KCNQ3: variants seen among roughly 807,000 people sequenced by gnomAD.
KCNQ3 encodes potassium voltage-gated channel subfamily Q member 3.
In KCNQ3, 30 loss-of-function variants were observed where a neutral mutation model predicts 92.5. The observed-to-expected ratio is 0.32, with a 90% CI of 0.24 to 0.44. KCNQ3 has a LOEUF of 0.44. KCNQ3 is among the 20% of genes least tolerant of loss of function. KCNQ3 has a pLI of 1.00. For missense variants in KCNQ3, 913 were observed against 1,140.3 expected (o/e 0.80, Z 2.87); for synonymous variants, 450 against 468.8 (o/e 0.96, Z 0.52).
intron 1 of KCNQ3, among the ~76,000 whole-genome samples, chr8:132,465,313 A>G (rs930865164): frequency 5.9e-5 from 9 of 152,254 alleles, no homozygotes; most frequent in African/African-American, 2.2e-4. Flanking sequence ...AAAGCCACTC[A>G]GAATTATGTC....
chr8:132,271,584 T>A (rs1156325412), intron 1 of KCNQ3, among the ~76,000 whole-genome samples: 1 of 152,116 alleles, frequency 6.6e-6, no homozygotes, highest in Non-Finnish European at 1.5e-5. Context: ...ATTGTACTAA[T>A]TAATGTTGTT....
intron 1 of KCNQ3, chr8:132,278,354 A>C: frequency 1.6e-5 from 5 of 309,642 alleles, no homozygotes; most frequent in Non-Finnish European, 2.4e-5. Context: ...TAATCCCACA[A>C]TCAGCATTGT....
At chr8:132,362,451 C>T (rs1819198691) in intron 1 of KCNQ3, among the ~76,000 whole-genome samples, 1 of 152,150 alleles carries the variant, frequency 6.6e-6, no homozygotes, top group Non-Finnish European at 1.5e-5. Flanking sequence ...CTTCCAGTTC[C>T]AGCAGAAACT....
chr8:132,168,964 C>A (rs1300656163), intron 8 of KCNQ3, among the ~76,000 whole-genome samples: 1 of 152,032 alleles, frequency 6.6e-6, no homozygotes, highest in Non-Finnish European at 1.5e-5. Context: ...AGGAGTCCAG[C>A]ACACTACCCA....
chr8:132,439,579 A>G (rs1407469011), intron 1 of KCNQ3, among the ~76,000 whole-genome samples: 1 of 152,142 alleles, frequency 6.6e-6, no homozygotes, highest in African/African-American at 2.4e-5. Flanking sequence ...ATGATTCCAG[A>G]TTACCTAGGT....
At chr8:132,458,508 G>A (rs1214741264) in intron 1 of KCNQ3, among the ~76,000 whole-genome samples, 1 of 152,214 alleles carries the variant, frequency 6.6e-6, no homozygotes, top group Non-Finnish European at 1.5e-5. Context: ...AGGCGAGAGT[G>A]CAGTGGCACA....
At chr8:132,440,459 T>G (rs1282090186) in intron 1 of KCNQ3, among the ~76,000 whole-genome samples, 1 of 152,106 alleles carries the variant, frequency 6.6e-6, no homozygotes, top group Non-Finnish European at 1.5e-5. Flanking sequence ...AGTCCTTCCT[T>G]CCCTCTGTGT....
intron 1 of KCNQ3, among the ~76,000 whole-genome samples, chr8:132,258,920 T>C (rs1277290701): frequency 6.6e-6 from 1 of 152,042 alleles, no homozygotes; most frequent in Non-Finnish European, 1.5e-5. Context: ...TGGACAAGTT[T>C]CTAGGAAGAC....
chr8:132,476,001 G>C (rs190892888), intron 1 of KCNQ3, among the ~76,000 whole-genome samples: 1 of 152,212 alleles, frequency 6.6e-6, no homozygotes, highest in Non-Finnish European at 1.5e-5. Context: ...TGTCCCAGCC[G>C]CTCCAGTTCC....
rs149597449 is a variant in KCNQ3, at chr8:132,282,355, A to G, written c.387-96174T>C. 4.6e-5 allele frequency among the ~76,000 whole-genome samples: 7 copies of G among 152,298 alleles called. No individual in the cohort carries two copies. The East Asian group carries it at 1.4e-3, about 29-fold the overall frequency. ...TTTAACAGGTGAGAAACTTCAGTCC[A>G]ACCTTCCTTTGCTCGGCTAAAGAAT... On this transcript the variant is annotated intron_variant, in intron 1 of 14. Coordinates refer to ENST00000388996, the MANE Select transcript of KCNQ3 (RefSeq NM_004519.4).
At chr8:132,141,689 G>A (rs1825302211) in intron 9 of KCNQ3, among the ~76,000 whole-genome samples, 1 of 152,066 alleles carries the variant, frequency 6.6e-6, no homozygotes, top group Non-Finnish European at 1.5e-5. Context: ...TGCCTTTCCT[G>A]TGTATCATCC....
intron 1 of KCNQ3, among the ~76,000 whole-genome samples, chr8:132,219,650 A>C (rs1331817054): frequency 1.3e-5 from 2 of 151,980 alleles, no homozygotes; most frequent in African/African-American, 2.4e-5. Flanking sequence ...TTCACAAAAC[A>C]ATCACTTTGA....
intron 1 of KCNQ3, among the ~76,000 whole-genome samples, chr8:132,399,420 T>C (rs1178535120): frequency 2.0e-5 from 3 of 152,182 alleles, no homozygotes; most frequent in South Asian, 4.1e-4. Context: ...TGGTTTCCAG[T>C]CTTCTACTTC....
At chr8:132,465,438 G>A (rs777821682) in intron 1 of KCNQ3, among the ~76,000 whole-genome samples, 5 of 151,912 alleles carry the variant, frequency 3.3e-5, no homozygotes, top group African/African-American at 4.8e-5. Context: ...AAAAAATAGC[G>A]GGCATAGGCT....
chr8:132,249,516 A>C (rs1353152075), intron 1 of KCNQ3, among the ~76,000 whole-genome samples: 1 of 151,748 alleles, frequency 6.6e-6, no homozygotes, highest in Non-Finnish European at 1.5e-5. Context: ...CAGAGTGCTG[A>C]CTGGTGTATT....
intron 1 of KCNQ3, among the ~76,000 whole-genome samples, chr8:132,230,554 G>A (rs1437817): frequency 6.6e-6 from 1 of 152,062 alleles, no homozygotes; most frequent in African/African-American, 2.4e-5. Flanking sequence ...CATTTACTCA[G>A]GAAGGTCCCT....
At chr8:132,404,775 C>T (rs1820433891) in intron 1 of KCNQ3, among the ~76,000 whole-genome samples, 1 of 152,142 alleles carries the variant, frequency 6.6e-6, no homozygotes, top group African/African-American at 2.4e-5. Context: ...GAGGATGAGA[C>T]AAGGAGGGGA....
chr8:132,313,420 T>C (rs181082478), intron 1 of KCNQ3, among the ~76,000 whole-genome samples: 1 of 152,342 alleles, frequency 6.6e-6, no homozygotes, highest in Admixed American at 6.5e-5. Flanking sequence ...ATGCAAATTT[T>C]TTTTTAATGT....
intron 1 of KCNQ3, among the ~76,000 whole-genome samples, chr8:132,267,558 T>C (rs1004100680): frequency 6.6e-6 from 1 of 152,188 alleles, no homozygotes; most frequent in Non-Finnish European, 1.5e-5. Flanking sequence ...AAGTCTAAAC[T>C]ACTCAGCATG....
Sources: allele counts gnomAD v4.1 joint callset (sites outside exome capture counted in the v4.1 genomes callset), GRCh38; gene constraint gnomAD v4.1.1; transcripts MANE v1.5; gene names NCBI Gene and HGNC (gene_info 2026-07-23, HGNC 2026-07-21).